The following NCAPD3 variants were observed in gnomAD, a reference collection of about 807,000 sequenced individuals.
The protein encoded by NCAPD3 is non-SMC condensin II complex subunit D3.
In NCAPD3, 105 loss-of-function variants were observed where a neutral mutation model predicts 182.9. The observed-to-expected ratio is 0.57, with a 90% CI of 0.49 to 0.68. NCAPD3 has a LOEUF of 0.68. Among genes scored for constraint, NCAPD3 ranks in the 30% least tolerant of loss-of-function variants. NCAPD3 has a pLI of 0.00. For synonymous variants in NCAPD3, 815 were observed against 679.9 expected (o/e 1.20, Z -3.09); for missense variants, 1,944 against 1,837.0 (o/e 1.06, Z -1.07).
intron 28 of NCAPD3, among the ~76,000 whole-genome samples, chr11:134,161,536 G>A (rs1277472467): frequency 6.6e-6 from 1 of 152,212 alleles, no homozygotes; most frequent in Non-Finnish European, 1.5e-5. Flanking sequence ...CTCCATTAAG[G>A]GAAGACGTGC....
In NCAPD3 at chr11:134,219,857, C is replaced by T. The variant is rs58734943; in HGVS notation, c.219+715G>A. Among the ~76,000 whole-genome samples the T allele has an allele frequency of 8.5e-3, 1,295 of 152,090 alleles. 24 individuals carry two copies. Among genetic ancestry groups the T allele is most frequent in the African/African-American group, 0.029 (1,215 of 41,484 alleles). On this transcript the variant is annotated intron_variant, in intron 2 of 34. Transcript: ENST00000534548. ...TGTCGCCCAGGCTGGAGTGCAGTGGCGTGATCTCGGCTCACTGTAACCTCC... is the reference window on the plus strand; with the variant it reads ...TGTCGCCCAGGCTGGAGTGCAGTGGTGTGATCTCGGCTCACTGTAACCTCC...
At chr11:134,183,037 A>G (rs1944329677) in intron 19 of NCAPD3, 1 of 452,482 alleles carries the variant, frequency 2.2e-6, no homozygotes, top group Non-Finnish European at 4.4e-6. Flanking sequence ...TGCCTTCCTC[A>G]TAGGCTCTCA....
rs1357184813 is a variant in NCAPD3 at position 134,153,199 on chromosome 11, C to T, written c.4329G>A (p.Glu1443=). The T allele has an allele frequency of 1.2e-6, 2 of 1,614,146 alleles. No individual in the cohort carries two copies. The highest frequency in any genetic ancestry group is 1.1e-5 in the South Asian group (1 of 91,078). Reference sequence around the variant, plus strand: ...TTCCTTGACTCCGGCCTTCAATTTTCTCTAAAAGGGAGTCAAACAAACACA... The same window carrying T: ...TTCCTTGACTCCGGCCTTCAATTTTTTCTAAAAGGGAGTCAAACAAACACA... ...GTPRTPSSAK[E]KIEGRSQGND... is the part of the protein sequence containing the mutation. Residue 1443 remains glutamate, a splice_region_variant and synonymous_variant, in exon 34 of 35, where the codon GAG becomes GAA. Coordinates refer to ENST00000534548, the MANE Select transcript of NCAPD3 (RefSeq NM_015261.3).
intron 27 of NCAPD3, among the ~76,000 whole-genome samples, chr11:134,165,795 G>T: frequency 7.1e-6 from 1 of 141,712 alleles, no homozygotes; most frequent in Non-Finnish European, 1.5e-5. Context: ...GGAGCTTAGG[G>T]GAGATGCACA....
At chr11:134,160,263 T>C (rs527324310) in intron 28 of NCAPD3, among the ~76,000 whole-genome samples, 189 bp from the exon 29 acceptor site, 1 of 152,120 alleles carries the variant, frequency 6.6e-6, no homozygotes, top group Non-Finnish European at 1.5e-5. Context: ...ATAGGAACAA[T>C]AGGACTGACA....
rs769313260 is a variant in NCAPD3, at chr11:134,178,670, G to A, written c.2746C>T (p.Pro916Ser). ...PPPQVRGSVM[P>S]SVIRAHAIIT... ...ATGGCATGTGCTCTAATCACAGAGG[G>A]CATGACAGAACCTCTGACCTGGGGG... The change falls in exon 22 of 35, where the codon CCC (proline) becomes TCC (serine). Residue 916 changes from proline (P) to serine (S), a missense_variant. Physicochemically the swap from Pro to Ser is moderately conservative, Grantham distance 74. Around this residue, in one of 3 missense-constraint regions of NCAPD3, gnomAD observed 1,803 missense variants for 1,674.6 expected, o/e 1.08. Transcript: ENST00000534548. The A allele has an allele frequency of 3.1e-6, 5 of 1,593,644 alleles. No homozygotes were observed. Among genetic ancestry groups the A allele is most frequent in the Admixed American group, 3.4e-5 (2 of 58,056 alleles).
At chr11:134,224,106 G>A (rs1304140853), upstream of NCAPD3, 10 of 730,650 alleles carry the variant, frequency 1.4e-5, no homozygotes, top group African/African-American at 7.1e-5. Context: ...CACGCTCAGA[G>A]AACTGGGCGG....
At chr11:134,173,662 C>T (rs980735033) in intron 24 of NCAPD3, 20 of 152,452 alleles carry the variant, frequency 1.3e-4, no homozygotes, top group African/African-American at 4.8e-4. Flanking sequence ...TAGACTCTAT[C>T]TGAAGTCCAG....
chr11:134,180,043 G>C (rs1413452458), intron 20 of NCAPD3, among the ~76,000 whole-genome samples: 2 of 151,932 alleles, frequency 1.3e-5, no homozygotes, highest in African/African-American at 4.8e-5. Context: ...GGGGAGGAGG[G>C]GTGGGGACAA....
At chr11:134,194,549 C>CA (rs2135998788) in intron 14 of NCAPD3, 116 bp downstream of exon 14, 2 of 634,824 alleles carry the variant, frequency 3.2e-6, no homozygotes, top group South Asian at 2.5e-5. Context: ...GGTCAACTAA[C>CA]AGTTAGGCGA....
chr11:134,178,956 T>C lies in NCAPD3; in HGVS notation c.2560-20A>G. The C allele has an allele frequency of 6.4e-7, 1 of 1,571,054 alleles. No homozygotes were observed. Among genetic ancestry groups the C allele is most frequent in the Middle Eastern group, 1.7e-4 (1 of 5,988 alleles). ...CTTCACCTACAAAGATAATTGGTTTTACAGTAAAAATAAGGCAAAAGAAAA... is the reference window on the plus strand; with the variant it reads ...CTTCACCTACAAAGATAATTGGTTTCACAGTAAAAATAAGGCAAAAGAAAA... On this transcript the variant is annotated intron_variant, in intron 20 of 34. Coordinates refer to ENST00000534548, the MANE Select transcript of NCAPD3 (RefSeq NM_015261.3).
chr11:134,194,511 G>A (rs1027663476), intron 14 of NCAPD3, among the ~76,000 whole-genome samples, 154 bp downstream of exon 14: 3 of 152,054 alleles, frequency 2.0e-5, no homozygotes, highest in Non-Finnish European at 4.4e-5. Flanking sequence ...CTTCCAGTTC[G>A]TCTATGATTC....
At position 134,202,909 on chromosome 11, in the gene NCAPD3, T is replaced by TA. The variant is rs34989286; in HGVS notation, c.1526-5dup. The stretch of plus-strand genomic sequence containing the variant: ...GTCTGCCTTTGGTAGGAAAAAGCTT[T>TA]AAAAAAAAAATTACAGTCATTAAGC... On this transcript the variant is annotated splice_region_variant and splice_polypyrimidine_tract_variant and intron_variant, in intron 12 of 34. Coordinates refer to ENST00000534548, the MANE Select transcript of NCAPD3 (RefSeq NM_015261.3). 2,688 of 1,497,630 alleles carry TA rather than the reference T, an allele frequency of 1.8e-3. No homozygotes were observed. Among genetic ancestry groups the TA allele is most frequent in the Admixed American group, 2.2e-3 (112 of 50,852 alleles). 92.8% of individuals were successfully genotyped at this position (1,497,630 alleles called of 1,614,324 possible).
chr11:134,169,148 G>A (rs1030288614), intron 24 of NCAPD3, 94 bp from the exon 25 acceptor site: 10 of 1,253,302 alleles, frequency 8.0e-6, no homozygotes, highest in Admixed American at 5.5e-5. Context: ...GAGGAGAGCT[G>A]TACATAAGCG....
intron 13 of NCAPD3, 95 bp downstream of exon 13, chr11:134,202,721 G>GAAAA: frequency 5.2e-6 from 4 of 765,796 alleles, no homozygotes; most frequent in East Asian, 3.1e-5. Flanking sequence ...GAATAAATCA[G>GAAAA]AAAAAAAAAA....
intron 2 of NCAPD3, among the ~76,000 whole-genome samples, chr11:134,218,106 A>G (rs1209870901): frequency 2.7e-5 from 2 of 74,970 alleles, no homozygotes; most frequent in Non-Finnish European, 5.5e-5. Flanking sequence ...CTCAAAAAAA[A>G]AAAAGGGGGG....
chr11:134,165,064 G>A (rs762499402), intron 27 of NCAPD3, among the ~76,000 whole-genome samples: 1 of 148,884 alleles, frequency 6.7e-6, no homozygotes, highest in South Asian at 2.2e-4. Flanking sequence ...GATTAGCTGA[G>A]GGGGAGCGGC....
Position 134,160,253 on chromosome 11 carries a change from A to G in NCAPD3, c.3685-179T>C, listed in dbSNP as rs566329158. Among the ~76,000 whole-genome samples, 350 of 152,318 alleles carry G rather than the reference A, an allele frequency of 2.3e-3. 3 individuals are homozygous for G. The highest frequency in any genetic ancestry group is 6.8e-3 in the Middle Eastern group (2 of 294). ...CCCAAGTCATGTTGCTTGATAAATC[A>G]TAGGAACAATAGGACTGACATTACT... On this transcript the variant is annotated intron_variant, in intron 28 of 34. Transcript: ENST00000534548.
upstream of NCAPD3, chr11:134,225,453 C>T (rs1189494271): frequency 8.8e-7 from 1 of 1,136,948 alleles, no homozygotes; most frequent in African/African-American, 1.5e-5. Flanking sequence ...CGCTTGTCAA[C>T]TGCAGTCTGA....
Sources: allele counts gnomAD v4.1 joint callset (sites outside exome capture counted in the v4.1 genomes callset), GRCh38; gene constraint gnomAD v4.1.1; regional missense constraint gnomAD v4.1.1; transcripts MANE v1.5; gene names NCBI Gene and HGNC (gene_info 2026-07-23, HGNC 2026-07-21).